The following SPOCK1 variants were observed in gnomAD, a reference collection of about 807,000 sequenced individuals.
SPOCK1 encodes the protein testican-1.
In SPOCK1, 23 loss-of-function variants were observed where a neutral mutation model predicts 55.3. That is an observed-to-expected ratio of 0.42 (90% confidence interval 0.30 to 0.59). The LOEUF is 0.59. Among genes scored for constraint, SPOCK1 ranks in the 20% least tolerant of loss-of-function variants. The probability of loss-of-function intolerance (pLI) is 0.22; values close to 1 mark genes in which losing one functional copy is unlikely to be tolerated. For missense variants in SPOCK1, 499 were observed against 552.5 expected (o/e 0.90, Z 0.97); for synonymous variants, 226 against 221.0 (o/e 1.02, Z -0.20).
chr5:137,136,580 A>G (rs1216211466), intron 4 of SPOCK1, among the ~76,000 whole-genome samples: 1 of 152,222 alleles, frequency 6.6e-6, no homozygotes, highest in South Asian at 2.1e-4. Context: ...ATTCCACAAT[A>G]TTTTAATTAC....
At chr5:137,330,506 G>A (rs1373911398) in intron 2 of SPOCK1, among the ~76,000 whole-genome samples, 1 of 152,192 alleles carries the variant, frequency 6.6e-6, no homozygotes, top group East Asian at 1.9e-4. Context: ...AATTCACACA[G>A]AAAGCTAGAA....
intron 2 of SPOCK1, among the ~76,000 whole-genome samples, chr5:137,319,728 G>A (rs1240472885): frequency 1.3e-5 from 2 of 152,006 alleles, no homozygotes; most frequent in East Asian, 3.9e-4. Flanking sequence ...GGTGGATCAT[G>A]AGGTCAGGAG....
At chr5:137,339,910 G>A (rs1479324755) in intron 2 of SPOCK1, among the ~76,000 whole-genome samples, 1 of 152,180 alleles carries the variant, frequency 6.6e-6, no homozygotes, top group Non-Finnish European at 1.5e-5. Flanking sequence ...CTAAGCCTGA[G>A]AGCCTGAGGT....
At chr5:137,278,680 T>C (rs190174445) in intron 2 of SPOCK1, among the ~76,000 whole-genome samples, 86 of 152,204 alleles carry the variant, frequency 5.7e-4, no homozygotes, top group African/African-American at 2.0e-3. Context: ...TGTAACACAA[T>C]TTCTCCTCCC....
At chr5:137,360,396 G>A (rs1209464281) in intron 2 of SPOCK1, among the ~76,000 whole-genome samples, 4 of 152,122 alleles carry the variant, frequency 2.6e-5, no homozygotes, top group South Asian at 2.1e-4. Flanking sequence ...CCCTAAAGTC[G>A]CCAGAAGGCA....
chr5:137,397,770 G>A (rs1458510725), intron 2 of SPOCK1, among the ~76,000 whole-genome samples: 1 of 152,070 alleles, frequency 6.6e-6, no homozygotes, highest in East Asian at 1.9e-4. Flanking sequence ...AGACTACTCA[G>A]GGCTGCAAGG....
chr5:136,988,355 C>G, intron 8 of SPOCK1, 67 bp downstream of exon 8: 1 of 1,293,328 alleles, frequency 7.7e-7, no homozygotes, highest in Admixed American at 1.7e-5. Flanking sequence ...CATAGTCATA[C>G]GCAGTCCTCC....
intron 2 of SPOCK1, among the ~76,000 whole-genome samples, chr5:137,278,590 C>T (rs1272397521): frequency 6.6e-6 from 1 of 152,184 alleles, no homozygotes; most frequent in African/African-American, 2.4e-5. Flanking sequence ...AGAACCCACA[C>T]TCCCAAAGGC....
intron 2 of SPOCK1, among the ~76,000 whole-genome samples, chr5:137,272,742 AC>A (rs1561490207): frequency 1.2e-4 from 3 of 25,028 alleles, no homozygotes; most frequent in Non-Finnish European, 2.4e-4. Context: ...CCACCCCCCC[AC>A]CCCCCAACAC....
chr5:137,399,518 AT>A (rs1751929841), intron 2 of SPOCK1, among the ~76,000 whole-genome samples: 1 of 151,956 alleles, frequency 6.6e-6, no homozygotes, highest in African/African-American at 2.4e-5. Flanking sequence ...CTCTTTAAGT[AT>A]TAAAAAAAAA....
chr5:137,266,864 T>TATC, intron 3 of SPOCK1, 146 bp downstream of exon 3: 1 of 627,664 alleles, frequency 1.6e-6, no homozygotes, highest in Non-Finnish European at 2.8e-6. Context: ...AAATAATTTC[T>TATC]ATCACCCCAG....
At chr5:137,463,091 A>G (rs1417216575) in intron 2 of SPOCK1, among the ~76,000 whole-genome samples, 2 of 152,202 alleles carry the variant, frequency 1.3e-5, no homozygotes, top group African/African-American at 4.8e-5. Flanking sequence ...GGAATGTAAT[A>G]AGATCAGATT....
intron 2 of SPOCK1, among the ~76,000 whole-genome samples, chr5:137,310,194 G>A (rs1209184602): frequency 6.6e-6 from 1 of 152,148 alleles, no homozygotes; most frequent in Admixed American, 6.5e-5. Flanking sequence ...AGTCTTAAAA[G>A]GATTAAATGA....
At chr5:137,447,419 C>A (rs1286739678) in intron 2 of SPOCK1, among the ~76,000 whole-genome samples, 1 of 152,196 alleles carries the variant, frequency 6.6e-6, no homozygotes, top group Non-Finnish European at 1.5e-5. Flanking sequence ...TCTACTAGTT[C>A]TGTTTCTGTC....
At chr5:137,028,893 C>T (rs1271677385) in intron 6 of SPOCK1, among the ~76,000 whole-genome samples, 1 of 152,070 alleles carries the variant, frequency 6.6e-6, no homozygotes, top group African/African-American at 2.4e-5. Flanking sequence ...CTGGAAGCAC[C>T]CTTTGAAGAC....
At chr5:137,206,977 T>C (rs1755530705) in intron 3 of SPOCK1, among the ~76,000 whole-genome samples, 1 of 152,188 alleles carries the variant, frequency 6.6e-6, no homozygotes, top group African/African-American at 2.4e-5. Flanking sequence ...AGAGGCCACA[T>C]GCTGAACCAC....
Position 137,192,250 on chromosome 5 carries a change from A to AG in SPOCK1, c.233-51557_233-51556insC, listed in dbSNP as rs1313043042. 8.0e-4 allele frequency among the ~76,000 whole-genome samples: 118 copies of AG among 147,840 alleles called. 2 individuals are homozygous for AG. The highest frequency in any genetic ancestry group is 2.4e-3 in the South Asian group (11 of 4,678). On this transcript the variant is annotated intron_variant, in intron 3 of 10. Transcript: ENST00000394945. ...TCTGTCTCAAAAAAAAAAAAAAAAA[A>AG]AAAAAGAAAAGGAAAACAAGCTCAG...
chr5:137,238,918 G>A (rs1351302688), intron 3 of SPOCK1, among the ~76,000 whole-genome samples: 1 of 152,200 alleles, frequency 6.6e-6, no homozygotes, highest in African/African-American at 2.4e-5. Context: ...CTTCATTCCT[G>A]ATTTGTGGCA....
intron 5 of SPOCK1, among the ~76,000 whole-genome samples, chr5:137,095,425 CTGTT>C (rs1436653583): frequency 6.6e-6 from 1 of 152,190 alleles, no homozygotes; most frequent in African/African-American, 2.4e-5. Flanking sequence ...AAGACCAAAA[CTGTT>C]TGGGCTCAGC....
Sources: gnomAD v4.1 joint callset for allele counts (sites outside exome capture counted in the v4.1 genomes callset) on GRCh38, gnomAD v4.1.1 for gene constraint, MANE v1.5 for transcripts, NCBI Gene and HGNC (gene_info 2026-07-23, HGNC 2026-07-21) for gene names.